The following DMXL1 variants were observed in gnomAD, a reference collection of about 807,000 sequenced individuals.
The protein encoded by DMXL1 is Dmx like 1.
DMXL1 carries 99 observed loss-of-function variants against 319.2 expected under a neutral mutation model. The observed-to-expected ratio is 0.31, with a 90% confidence interval of 0.26 to 0.37. The LOEUF is 0.37. DMXL1 is among the 10% of genes least tolerant of loss of function. The pLI is 1.00. For missense variants in DMXL1, 3,745 were observed against 3,595.6 expected, an observed-to-expected ratio of 1.04 and a Z score of -1.06; for synonymous variants, 1,385 against 1,235.2, an observed-to-expected ratio of 1.12 and a Z score of -2.54.
intron 1 of DMXL1, among the ~76,000 whole-genome samples, chr5:119,093,167 C>T (rs895691324): frequency 6.6e-6 from 1 of 152,066 alleles, no homozygotes. Context: ...TTTGGTAATT[C>T]TCAAAATATT....
Position 119,170,868 on chromosome 5 carries a change from T to A in DMXL1, c.6077T>A (p.Val2026Asp). 1 of 1,612,224 alleles carries A rather than the reference T, an allele frequency of 6.2e-7. No individual in the cohort carries two copies. Among genetic ancestry groups the A allele is most frequent in the Non-Finnish European group, 8.5e-7 (1 of 1,179,530 alleles). Residue 2026 changes from valine to aspartate, a missense_variant, in exon 24 of 44, where the codon GTT (valine) becomes GAT (aspartate). By Grantham distance (152) the Val-to-Asp change is radical. Coordinates refer to ENST00000539542, the MANE Select transcript of DMXL1 (RefSeq NM_001290321.3). ...AATCCATCAGAAGATATAATTGCAG[T>A]TCAGTTAAAATTTAGAGCATGTTTA... ...LLNPSEDIIA[V>D]QLKFRACLKI...
intron 34 of DMXL1, among the ~76,000 whole-genome samples, chr5:119,211,867 C>T (rs1782859270): frequency 6.6e-6 from 1 of 152,142 alleles, no homozygotes; most frequent in African/African-American, 2.4e-5. Context: ...CTTGGAGCCT[C>T]ATTTACTGAC....
intron 33 of DMXL1, among the ~76,000 whole-genome samples, chr5:119,203,943 C>T (rs1170215864): frequency 6.6e-6 from 1 of 152,128 alleles, no homozygotes; most frequent in Non-Finnish European, 1.5e-5. Flanking sequence ...CTGCCTCAGC[C>T]TCCCGAGTAG....
chr5:119,139,206 C>G (rs1416669346), intron 13 of DMXL1, among the ~76,000 whole-genome samples: 1 of 152,120 alleles, frequency 6.6e-6, no homozygotes, highest in Non-Finnish European at 1.5e-5. Flanking sequence ...ACCAGTAACA[C>G]TATAAAGCAA....
intron 1 of DMXL1, among the ~76,000 whole-genome samples, chr5:119,079,200 A>G (rs1044812564): frequency 1.3e-5 from 2 of 152,198 alleles, no homozygotes; most frequent in Non-Finnish European, 2.9e-5. Flanking sequence ...TAACTCATAT[A>G]AACTTGCCAC....
intron 18 of DMXL1, among the ~76,000 whole-genome samples, chr5:119,151,673 TTAAA>T (rs1231538670): frequency 1.4e-4 from 21 of 152,140 alleles, no homozygotes; most frequent in Non-Finnish European, 2.8e-4. Context: ...ACATTTTAAT[TTAAA>T]TAAGATTTCA....
chr5:119,149,500 G>A lies in DMXL1; in HGVS notation c.3673G>A (p.Gly1225Ser), dbSNP rs1769303312. ...FPVSLSWVRD[G>S]ILVVGMDCEM... ...TGTTTCTTTATCGTGGGTCCGGGAT[G>A]GCATCCTTGTGGTAGGAATGGACTG... The change falls in exon 18 of 44, where the codon GGC (glycine) becomes AGC (serine). Residue 1225 changes from glycine (G) to serine (S), a missense_variant. Gly to Ser is a moderately conservative substitution (Grantham distance 56). Coordinates refer to ENST00000539542, the MANE Select transcript of DMXL1 (RefSeq NM_001290321.3). 6.2e-7 allele frequency: 1 copy of A among 1,613,778 alleles called. No homozygotes were observed.
chr5:119,098,377 A>G (rs1580685115), intron 2 of DMXL1, among the ~76,000 whole-genome samples: 1 of 152,230 alleles, frequency 6.6e-6, no homozygotes, highest in East Asian at 1.9e-4. Context: ...TTAAAAGGTG[A>G]TTGGACTGGG....
Position 119,144,601 on chromosome 5 carries a change from G to A in DMXL1, c.2532G>A (p.Lys844=). ...ACTTCATTTTGAATAACCTTGAGAAGAAAAGCCTTGGCAAAGACAGCATTT... is the reference window on the plus strand; with the variant it reads ...ACTTCATTTTGAATAACCTTGAGAAAAAAAGCCTTGGCAAAGACAGCATTT... ...EEDFILNNLE[K]KSLGKDSILS... Residue 844 remains lysine (K), a synonymous_variant, in exon 15 of 44, where the codon AAG becomes AAA. Coordinates refer to ENST00000539542, the MANE Select transcript of DMXL1 (RefSeq NM_001290321.3). The A allele has an allele frequency of 6.3e-7, 1 of 1,598,510 alleles. No individual in the cohort carries two copies. Among genetic ancestry groups the A allele is most frequent in the Non-Finnish European group, 8.5e-7 (1 of 1,175,408 alleles).
intron 1 of DMXL1, among the ~76,000 whole-genome samples, chr5:119,082,227 T>C (rs1425388203): frequency 2.6e-5 from 4 of 152,126 alleles, no homozygotes; most frequent in African/African-American, 9.7e-5. Context: ...TCATGCTACC[T>C]CAGCCTCTTG....
chr5:119,163,803 C>T (rs1182134301), intron 19 of DMXL1, among the ~76,000 whole-genome samples: 1 of 152,186 alleles, frequency 6.6e-6, no homozygotes, highest in Non-Finnish European at 1.5e-5. Flanking sequence ...TCTCGATCTC[C>T]TGACCTCGTG....
chr5:119,095,466 G>A (rs1299566070), intron 1 of DMXL1, among the ~76,000 whole-genome samples: 2 of 152,130 alleles, frequency 1.3e-5, no homozygotes, highest in Non-Finnish European at 2.9e-5. Context: ...ACTTGATGTG[G>A]GAAAATTTTG....
At chr5:119,191,884 C>A (rs1362551792) in intron 29 of DMXL1, among the ~76,000 whole-genome samples, 1 of 152,164 alleles carries the variant, frequency 6.6e-6, no homozygotes, top group African/African-American at 2.4e-5. Flanking sequence ...CAGATCAGAT[C>A]CCATAGATTT....
chr5:119,242,280 T>C (rs549988620), intron 42 of DMXL1, among the ~76,000 whole-genome samples: 37 of 152,322 alleles, frequency 2.4e-4, no homozygotes, highest in African/African-American at 8.7e-4. Flanking sequence ...ACCAGTGTTG[T>C]TGAAGGGTCA....
At chr5:119,242,817 T>C (rs530551798) in intron 42 of DMXL1, among the ~76,000 whole-genome samples, 4 of 152,334 alleles carry the variant, frequency 2.6e-5, no homozygotes, top group East Asian at 3.8e-4. Flanking sequence ...AGTAGACTTA[T>C]GTTTAATATG....
chr5:119,193,143 C>T (rs1387257024), intron 29 of DMXL1, among the ~76,000 whole-genome samples: 1 of 152,148 alleles, frequency 6.6e-6, no homozygotes, highest in Admixed American at 6.6e-5. Flanking sequence ...ATATACTTAG[C>T]ATATAAACCT....
intron 9 of DMXL1, among the ~76,000 whole-genome samples, chr5:119,123,117 A>T (rs919282397): frequency 6.6e-6 from 1 of 152,120 alleles, no homozygotes; most frequent in Non-Finnish European, 1.5e-5. Context: ...CCCGGCCAAC[A>T]CAGCGAAATC....
chr5:119,161,496 C>T (rs1197845262), intron 19 of DMXL1, among the ~76,000 whole-genome samples: 1 of 152,256 alleles, frequency 6.6e-6, no homozygotes, highest in Admixed American at 6.5e-5. Flanking sequence ...GAAGCTTGCC[C>T]TCCTGCCTGA....
chr5:119,127,726 G>A, intron 9 of DMXL1: 1 of 237,538 alleles, frequency 4.2e-6, no homozygotes, highest in Non-Finnish European at 8.3e-6. Flanking sequence ...GACATGAGCT[G>A]CTGCACCCAG....
Sources: allele counts gnomAD v4.1 joint callset (sites outside exome capture counted in the v4.1 genomes callset), GRCh38; gene constraint gnomAD v4.1.1; transcripts MANE v1.5; gene names NCBI Gene and HGNC (gene_info 2026-07-23, HGNC 2026-07-21).